Variants in BNC2 observed in about 807,000 individuals in gnomAD.
The protein encoded by BNC2 is basonuclin zinc finger protein 2.
Under a neutral mutation model 76.3 loss-of-function variants are expected in BNC2, and 20 were observed. The ratio of observed to expected loss-of-function variants is 0.26; its 90% CI spans 0.18 to 0.38. The LOEUF is 0.38. Ranked by LOEUF, BNC2 falls within the 10% of genes least tolerant of loss-of-function variation. The pLI is 1.00. For synonymous variants in BNC2, 582 were observed against 514.8 expected, an observed-to-expected ratio of 1.13 and a Z score of -1.77; for missense variants, 1,382 against 1,399.8, an observed-to-expected ratio of 0.99 and a Z score of 0.20.
At chr9:16,761,841 G>C (rs189002848) in intron 1 of BNC2, among the ~76,000 whole-genome samples, 7 of 152,246 alleles carry the variant, frequency 4.6e-5, no homozygotes, top group Admixed American at 3.3e-4. Context: ...CATGTTTGAG[G>C]AATTAGTGCT....
chr9:16,659,358 A>T (rs10122084), intron 3 of BNC2, among the ~76,000 whole-genome samples: 5 of 152,022 alleles, frequency 3.3e-5, no homozygotes, highest in African/African-American at 7.2e-5. Flanking sequence ...ACGCGTAATC[A>T]CAGCACTTTG....
intron 1 of BNC2, among the ~76,000 whole-genome samples, chr9:16,791,995 G>A (rs951360086): frequency 6.6e-6 from 1 of 151,682 alleles, no homozygotes; most frequent in Admixed American, 6.6e-5. Context: ...CCAACTACTT[G>A]GGAGGTGAAG....
chr9:16,758,388 G>A (rs890437897), intron 1 of BNC2, among the ~76,000 whole-genome samples: 3 of 151,836 alleles, frequency 2.0e-5, no homozygotes, highest in African/African-American at 7.2e-5. Context: ...CGCCCAGGCT[G>A]GAGTGCAGTG....
intron 1 of BNC2, among the ~76,000 whole-genome samples, chr9:16,791,965 G>A (rs1417035848): frequency 6.6e-6 from 1 of 151,848 alleles, no homozygotes; most frequent in Non-Finnish European, 1.5e-5. Flanking sequence ...AGCCAGGTGT[G>A]GTTGCTCGTG....
At chr9:16,664,526 T>G (rs1822208543) in intron 3 of BNC2, among the ~76,000 whole-genome samples, 1 of 152,152 alleles carries the variant, frequency 6.6e-6, no homozygotes, top group Non-Finnish European at 1.5e-5. Context: ...GAAGAGAATT[T>G]CTGGCCTTGT....
chr9:16,680,808 T>C (rs1822800709), intron 3 of BNC2, among the ~76,000 whole-genome samples: 1 of 152,082 alleles, frequency 6.6e-6, no homozygotes, highest in Non-Finnish European at 1.5e-5. Context: ...TGATTACGTG[T>C]GTGGCCTACA....
At chr9:16,449,998 T>C (rs1393484816) in intron 5 of BNC2, among the ~76,000 whole-genome samples, 1 of 152,222 alleles carries the variant, frequency 6.6e-6, no homozygotes, top group Admixed American at 6.5e-5. Flanking sequence ...ACTCTTCAGC[T>C]GGCATCATTT....
chr9:16,591,975 T>C (rs1819941307), intron 3 of BNC2, among the ~76,000 whole-genome samples: 1 of 152,148 alleles, frequency 6.6e-6, no homozygotes, highest in Non-Finnish European at 1.5e-5. Flanking sequence ...ACACATTAGA[T>C]CTTATAACTG....
chr9:16,629,568 C>G (rs60535139), intron 3 of BNC2, among the ~76,000 whole-genome samples: 2,271 of 152,242 alleles, frequency 0.015, 64 homozygotes, highest in African/African-American at 0.052. Flanking sequence ...GGAGCACCAA[C>G]AGTAGTGGGG....
chr9:16,599,959 G>A (rs1367022144), intron 3 of BNC2, among the ~76,000 whole-genome samples: 1 of 152,092 alleles, frequency 6.6e-6, no homozygotes, highest in East Asian at 1.9e-4. Context: ...CAGCTTTGCT[G>A]GTCTACGAAG....
chr9:16,468,020 A>G (rs1356806933), intron 5 of BNC2, among the ~76,000 whole-genome samples: 1 of 149,330 alleles, frequency 6.7e-6, no homozygotes, highest in African/African-American at 2.5e-5. Context: ...AAAAACTCCT[A>G]ATCTCATTTC....
chr9:16,481,745 T>C (rs1457166660), intron 5 of BNC2, among the ~76,000 whole-genome samples: 2 of 152,148 alleles, frequency 1.3e-5, no homozygotes, highest in African/African-American at 4.8e-5. Context: ...AAATTACATG[T>C]ACAAGGTACA....
intron 1 of BNC2, among the ~76,000 whole-genome samples, chr9:16,758,218 C>T (rs1050485468): frequency 6.6e-6 from 1 of 152,164 alleles, no homozygotes; most frequent in Admixed American, 6.5e-5. Flanking sequence ...TCTCTCTGAC[C>T]ACAGCTGGGA....
intron 3 of BNC2, among the ~76,000 whole-genome samples, chr9:16,647,173 T>A (rs1356736713): frequency 6.6e-6 from 1 of 152,192 alleles, no homozygotes; most frequent in Non-Finnish European, 1.5e-5. Flanking sequence ...CTATCAGCCC[T>A]TCTTTGTTGA....
intron 1 of BNC2, among the ~76,000 whole-genome samples, chr9:16,779,465 A>G (rs1826064079): frequency 6.6e-6 from 1 of 152,188 alleles, no homozygotes; most frequent in African/African-American, 2.4e-5. Flanking sequence ...ACATACTTAT[A>G]TATACCTTAA....
At chr9:16,443,762 T>C (rs186864191) in intron 5 of BNC2, among the ~76,000 whole-genome samples, 376 of 152,288 alleles carry the variant, frequency 2.5e-3, no homozygotes, top group African/African-American at 8.9e-3. Context: ...CATACGCTAC[T>C]GTTCCAAGCA....
intron 1 of BNC2, among the ~76,000 whole-genome samples, chr9:16,779,172 C>T (rs111815855): frequency 0.022 from 3,210 of 145,556 alleles, 121 homozygotes; most frequent in African/African-American, 0.077. Context: ...AGCATGGTGG[C>T]GTGCACCTGT....
chr9:16,799,186 A>G (rs1817726086), intron 1 of BNC2, among the ~76,000 whole-genome samples: 1 of 152,230 alleles, frequency 6.6e-6, no homozygotes, highest in Admixed American at 6.5e-5. Context: ...GTAACAAAGT[A>G]TAAAGAAGCA....
At position 16,417,395 on chromosome 9, in the gene BNC2, TTCTC is replaced by T. The variant is rs1355493915; in HGVS notation, c.*1590_*1593del. The T allele has an allele frequency of 6.6e-6, 1 of 152,258 alleles. No individual in the cohort carries two copies. Among genetic ancestry groups the T allele is most frequent in the Non-Finnish European group, 1.5e-5 (1 of 68,028 alleles). The allele number at this position is 152,258 out of a possible 1,614,324, so 9.4% of individuals were successfully genotyped here. On this transcript the variant is annotated 3_prime_UTR_variant, in exon 7 of 7. Transcript: ENST00000380672. ...TGCTTGGTTTCAGGCTTGCTTTCAT[TTCTC>T]TCTGACAAATCGTGTGGGGAAACAC... is the stretch of plus-strand genomic sequence containing the variant.
Sources: gnomAD v4.1 joint callset for allele counts (sites outside exome capture counted in the v4.1 genomes callset) on GRCh38, gnomAD v4.1.1 for gene constraint, MANE v1.5 for transcripts, NCBI Gene and HGNC (gene_info 2026-07-23, HGNC 2026-07-21) for gene names.